The following ZNF280C variants were observed in gnomAD, a reference collection of about 807,000 sequenced individuals.
ZNF280C encodes zinc finger protein 280C.
ZNF280C carries 14 observed loss-of-function variants against 53.6 expected under a neutral mutation model. The observed-to-expected ratio is 0.26, with a 90% confidence interval of 0.17 to 0.41. The LOEUF (loss-of-function observed/expected upper bound fraction) is 0.41, where lower values mean the gene tolerates loss of function less well. ZNF280C is among the 10% of genes least tolerant of loss of function. The probability of loss-of-function intolerance (pLI) is 1.00; values close to 1 mark genes in which losing one functional copy is unlikely to be tolerated. For missense variants in ZNF280C, 416 were observed against 547.1 expected, an observed-to-expected ratio of 0.76 and a Z score of 2.39; for synonymous variants, 203 against 181.1, an observed-to-expected ratio of 1.12 and a Z score of -0.97.
intron 2 of ZNF280C, among the ~76,000 whole-genome samples, chrX:130,251,308 G>C (rs868573896): frequency 1.1e-4 from 4 of 36,789 alleles, no homozygotes; most frequent in African/African-American, 1.5e-4. Flanking sequence ...AAAAAAAAAA[G>C]ACCAGCAATA....
intron 2 of ZNF280C, among the ~76,000 whole-genome samples, chrX:130,251,788 G>GA (rs56669311): frequency 0.03 from 2,445 of 81,354 alleles, 40 homozygotes; most frequent in Non-Finnish European, 0.04. Context: ...GACTTCGTCT[G>GA]AAAAAAAAAA....
At chrX:130,253,655 T>C (rs904943267) in intron 2 of ZNF280C, among the ~76,000 whole-genome samples, 35 of 111,740 alleles carry the variant, frequency 3.1e-4, no homozygotes, top group Admixed American at 2.0e-3. Flanking sequence ...AAACACACAA[T>C]GGGGAAAGGA....
At chrX:130,232,652 C>G (rs1247960581) in intron 8 of ZNF280C, among the ~76,000 whole-genome samples, 4 of 111,593 alleles carry the variant, frequency 3.6e-5, no homozygotes, top group Non-Finnish European at 7.5e-5. Context: ...CACTTTACAC[C>G]TATTAGAACA....
At chrX:130,218,003 T>G (rs1276004793) in intron 13 of ZNF280C, among the ~76,000 whole-genome samples, 1 of 111,012 alleles carries the variant, frequency 9.0e-6, no homozygotes, top group Non-Finnish European at 1.9e-5. Context: ...CTACCAAAAA[T>G]GCAATAAAAT....
intron 2 of ZNF280C, among the ~76,000 whole-genome samples, chrX:130,247,351 G>A (rs1197899152): frequency 3.6e-5 from 4 of 110,978 alleles, no homozygotes; most frequent in African/African-American, 9.8e-5. Context: ...CAAGTGATCC[G>A]CCTGCTTCAG....
chrX:130,236,310 G>A lies in ZNF280C; in HGVS notation c.675C>T (p.Thr225=), dbSNP rs145055170. 46 of 1,194,832 alleles carry A rather than the reference G, an allele frequency of 3.8e-5. No homozygotes were observed. The highest frequency in any genetic ancestry group is 5.1e-5 in the Non-Finnish European group (45 of 885,870). ...SQVMLSKGTN[T]SSPYDAGADY... ...CTGCTCCAGCATCATATGGAGATGA[G>A]GTATTTGTACCTACAATAAATTAAG... The change falls in exon 8 of 19, where the codon ACC becomes ACT. Residue 225 remains threonine (T), a synonymous_variant. Transcript: ENST00000370978.
chrX:130,245,611 C>T (rs183724754), intron 3 of ZNF280C, among the ~76,000 whole-genome samples: 11 of 111,167 alleles, frequency 9.9e-5, no homozygotes, highest in Admixed American at 9.6e-5. Context: ...AAACTCATCT[C>T]TTAACCACAC....
At chrX:130,245,815 T>A (rs1172718556) in intron 3 of ZNF280C, among the ~76,000 whole-genome samples, 1 of 110,051 alleles carries the variant, frequency 9.1e-6, no homozygotes, top group Non-Finnish European at 1.9e-5. Context: ...AGATATAGTC[T>A]TGCTCTGTTG....
chrX:130,257,992 C>T (rs1225965381), intron 2 of ZNF280C, among the ~76,000 whole-genome samples: 1 of 111,328 alleles, frequency 9.0e-6, no homozygotes, highest in East Asian at 2.8e-4. Context: ...GTGGGGCACA[C>T]CTGCAATCCC....
At chrX:130,252,838 C>T (rs1262455594) in intron 2 of ZNF280C, among the ~76,000 whole-genome samples, 1 of 112,052 alleles carries the variant, frequency 8.9e-6, no homozygotes, top group Non-Finnish European at 1.9e-5. Context: ...TGGAAGCATT[C>T]CCCTGGAAAA....
rs2032100210 is a variant in ZNF280C, at chrX:130,216,082, A to G, written c.1547T>C (p.Leu516Pro). 2 of 1,206,848 alleles carry G rather than the reference A, an allele frequency of 1.7e-6. No individual in the cohort carries two copies. The highest frequency in any genetic ancestry group is 2.2e-6 in the Non-Finnish European group (2 of 892,933). Residue 516 changes from leucine (L) to proline (P), a missense_variant, in exon 14 of 19, where the codon CTT becomes CCT. Around this residue, in one of 3 missense-constraint regions of ZNF280C, gnomAD observed 151 missense variants for 176.9 expected, o/e 0.85. Coordinates refer to ENST00000370978, the MANE Select transcript of ZNF280C (RefSeq NM_017666.5). Reference sequence around the variant, plus strand: ...TGGTAATTTTGACTGGAGAGGTCCAAGTGAAGCTCGAATAGTAACCTATAA... The same window carrying G: ...TGGTAATTTTGACTGGAGAGGTCCAGGTGAAGCTCGAATAGTAACCTATAA... ...PGAKVTIRAS[L>P]GPLQSKLPTA...
chrX:130,215,810 G>C lies in ZNF280C; in HGVS notation c.1819C>G (p.Leu607Val). The C allele has an allele frequency of 8.3e-7, 1 of 1,205,340 alleles. No individual in the cohort carries two copies. Among genetic ancestry groups the C allele is most frequent in the Non-Finnish European group, 1.1e-6 (1 of 893,106 alleles). Residue 607 changes from leucine (L) to valine (V), a missense_variant, in exon 14 of 19, where the codon CTT (leucine) becomes GTT (valine). This residue lies in a region of ZNF280C where 151 missense variants were observed against 176.9 expected (regional missense o/e 0.85). Transcript: ENST00000370978. Reference protein sequence around the residue: ...RQRNRKNKMSLALKNIRCRRG... With the variant: ...RQRNRKNKMSVALKNIRCRRG... ...TATTACCTTATGTTCTTCAAAGCAAGGCTCATTTTATTTTTTCTGTTGCGC... is the reference window on the plus strand; with the variant it reads ...TATTACCTTATGTTCTTCAAAGCAACGCTCATTTTATTTTTTCTGTTGCGC...
In ZNF280C at chrX:130,203,067, G is replaced by C. The variant is rs919983975; in HGVS notation, c.*1910C>G. 2 of 111,636 alleles carry C rather than the reference G, an allele frequency of 1.8e-5. No homozygotes were observed. The highest frequency in any genetic ancestry group is 6.5e-5 in the African/African-American group (2 of 30,854). The allele number at this position is 111,636 out of a possible 1,213,427, so 9.2% of individuals were successfully genotyped here. On this transcript the variant is annotated 3_prime_UTR_variant, in exon 19 of 19. Coordinates refer to ENST00000370978, the MANE Select transcript of ZNF280C (RefSeq NM_017666.5). Reference sequence around the variant, plus strand: ...TCAGAATCCCTAAGCTAATGTTAATGATAGGCCCAAGACAGAGCATGTAAT... The same window carrying C: ...TCAGAATCCCTAAGCTAATGTTAATCATAGGCCCAAGACAGAGCATGTAAT...
At chrX:130,211,610 C>G (rs752753445) in intron 15 of ZNF280C, among the ~76,000 whole-genome samples, 1 of 111,505 alleles carries the variant, frequency 9.0e-6, no homozygotes, top group East Asian at 2.8e-4. Context: ...AGGGGAAAAG[C>G]AAAGGGACCT....
intron 6 of ZNF280C, among the ~76,000 whole-genome samples, chrX:130,238,367 A>G (rs1328371078): frequency 9.0e-6 from 1 of 111,700 alleles, no homozygotes; most frequent in Non-Finnish European, 1.9e-5. Flanking sequence ...GGTCTGGAGA[A>G]TAAATGCTTT....
At chrX:130,226,972 A>G in intron 11 of ZNF280C, 67 bp from the exon 12 acceptor site, 1 of 1,034,312 alleles carries the variant, frequency 9.7e-7, no homozygotes, top group Non-Finnish European at 1.3e-6. Flanking sequence ...CAATCAAAGT[A>G]GCAATAACGG....
chrX:130,236,154 T>C, intron 8 of ZNF280C, 60 bp downstream of exon 8: 6 of 824,641 alleles, frequency 7.3e-6, no homozygotes, highest in Non-Finnish European at 1.0e-5. Context: ...ATATCAATTT[T>C]CAATATTTTC....
intron 12 of ZNF280C, among the ~76,000 whole-genome samples, chrX:130,224,102 T>C (rs2032196672): frequency 8.9e-6 from 1 of 111,744 alleles, no homozygotes; most frequent in Admixed American, 9.5e-5. Context: ...TATGGCGAAA[T>C]CCTAATTTTC....
At chrX:130,258,035 T>C (rs1436921566) in intron 2 of ZNF280C, among the ~76,000 whole-genome samples, 1 of 111,642 alleles carries the variant, frequency 9.0e-6, no homozygotes, top group African/African-American at 3.3e-5. Flanking sequence ...GGAGAATCAC[T>C]TGATCCTGAG....
Sources: gnomAD v4.1 joint callset for allele counts (sites outside exome capture counted in the v4.1 genomes callset) on GRCh38, gnomAD v4.1.1 for gene constraint, gnomAD v4.1.1 regional missense constraint, MANE v1.5 for transcripts, NCBI Gene and HGNC (gene_info 2026-07-23, HGNC 2026-07-21) for gene names.